ANGPT1: variants seen among roughly 807,000 people sequenced by gnomAD.
ANGPT1 encodes the protein angiopoietin-1.
In ANGPT1, 17 loss-of-function variants were observed where a neutral mutation model predicts 62.2. That is an observed-to-expected ratio of 0.27 (90% CI 0.19 to 0.41). The LOEUF is 0.41. ANGPT1 is among the 10% of genes least tolerant of loss of function. The pLI is 1.00. For missense variants in ANGPT1, 478 were observed against 594.9 expected, an observed-to-expected ratio of 0.80 and a Z score of 2.04; for synonymous variants, 199 against 198.9, an observed-to-expected ratio of 1.00 and a Z score of 0.00.
At chr8:107,358,232 T>C (rs1368852963) in intron 1 of ANGPT1, among the ~76,000 whole-genome samples, 4 of 152,182 alleles carry the variant, frequency 2.6e-5, no homozygotes, top group Non-Finnish European at 4.4e-5. Context: ...AACTAATTTT[T>C]TTCTGAATAA....
chr8:107,456,361 A>G (rs952282499), intron 1 of ANGPT1, among the ~76,000 whole-genome samples: 2 of 152,022 alleles, frequency 1.3e-5, no homozygotes, highest in East Asian at 3.9e-4. Context: ...TTCTGGGTTC[A>G]AGGCCTGAGT....
At chr8:107,452,595 G>C (rs974257088) in intron 1 of ANGPT1, among the ~76,000 whole-genome samples, 3 of 151,556 alleles carry the variant, frequency 2.0e-5, no homozygotes, top group East Asian at 1.9e-4. Context: ...AATATTAAAA[G>C]TTCCTCCCCA....
At chr8:107,392,355 G>A (rs1173196660) in intron 1 of ANGPT1, among the ~76,000 whole-genome samples, 1 of 152,070 alleles carries the variant, frequency 6.6e-6, no homozygotes, top group Non-Finnish European at 1.5e-5. Context: ...AAAAGCACTA[G>A]CTGTTACTTA....
At chr8:107,440,833 T>C (rs1246727021) in intron 1 of ANGPT1, among the ~76,000 whole-genome samples, 1 of 152,190 alleles carries the variant, frequency 6.6e-6, no homozygotes, top group Non-Finnish European at 1.5e-5. Context: ...TGAAGATATA[T>C]GATATTTCTG....
At chr8:107,298,383 T>C (rs1164398584) in intron 5 of ANGPT1, among the ~76,000 whole-genome samples, 6 of 151,858 alleles carry the variant, frequency 4.0e-5, no homozygotes, top group Non-Finnish European at 8.8e-5. Context: ...AAATGGTTTG[T>C]TTTTTGGATG....
chr8:107,281,500 C>T (rs1451435185), intron 7 of ANGPT1, among the ~76,000 whole-genome samples: 2 of 152,048 alleles, frequency 1.3e-5, no homozygotes, highest in Non-Finnish European at 1.5e-5. Flanking sequence ...GTGTCTAGGC[C>T]CAGAGCAGTG....
chr8:107,299,087 C>T (rs1814489959), intron 5 of ANGPT1, among the ~76,000 whole-genome samples: 1 of 151,470 alleles, frequency 6.6e-6, no homozygotes, highest in African/African-American at 2.4e-5. Context: ...ATCAACTTAC[C>T]TAATTTTCTA....
At chr8:107,476,791 G>A (rs1812543560) in intron 1 of ANGPT1, among the ~76,000 whole-genome samples, 2 of 152,270 alleles carry the variant, frequency 1.3e-5, no homozygotes, top group Admixed American at 1.3e-4. Flanking sequence ...CCTGAGCAAA[G>A]CACTCTTGTG....
In ANGPT1 at chr8:107,301,631, A is replaced by C. The variant is rs981706927; in HGVS notation, c.936+1609T>G. Among the ~76,000 whole-genome samples, 3 of 151,896 alleles carry C rather than the reference A, an allele frequency of 2.0e-5. No individual in the cohort carries two copies. The Admixed American group carries it at 2.0e-4, about 10-fold the overall frequency. ...CTTGCACAGAAATCAAACATGAAAA[A>C]CAGCAAAACCACACTTCTCTGGTAG... On this transcript the variant is annotated intron_variant, in intron 5 of 8. Transcript: ENST00000517746.
intron 6 of ANGPT1, among the ~76,000 whole-genome samples, chr8:107,291,428 T>C (rs1814269723): frequency 6.6e-6 from 1 of 151,996 alleles, no homozygotes; most frequent in South Asian, 2.1e-4. Flanking sequence ...TTTGTTTTGT[T>C]TTTAGACAGA....
intron 4 of ANGPT1, among the ~76,000 whole-genome samples, chr8:107,304,177 A>C (rs1311201275): frequency 1.3e-5 from 2 of 148,396 alleles, no homozygotes; most frequent in Non-Finnish European, 3.0e-5. Flanking sequence ...AAATCTATTA[A>C]TAGTTAGAGA....
At chr8:107,321,277 C>G (rs1203221259) in intron 4 of ANGPT1, among the ~76,000 whole-genome samples, 1 of 152,062 alleles carries the variant, frequency 6.6e-6, no homozygotes, top group Non-Finnish European at 1.5e-5. Context: ...AAATTTGTAT[C>G]TCCACTGTCA....
At chr8:107,491,474 G>T (rs13272688) in intron 1 of ANGPT1, among the ~76,000 whole-genome samples, 138 of 152,266 alleles carry the variant, frequency 9.1e-4, no homozygotes, top group African/African-American at 3.2e-3. Flanking sequence ...TCTTAGTAAA[G>T]TGGGGAAGGT....
At chr8:107,386,521 G>A (rs1015234061) in intron 1 of ANGPT1, among the ~76,000 whole-genome samples, 3 of 152,036 alleles carry the variant, frequency 2.0e-5, no homozygotes, top group South Asian at 2.1e-4. Flanking sequence ...TCCAATAGGT[G>A]GTGTTTCAAT....
intron 4 of ANGPT1, among the ~76,000 whole-genome samples, chr8:107,306,556 T>C (rs181834797): frequency 1.3e-5 from 2 of 152,232 alleles, no homozygotes; most frequent in Admixed American, 6.6e-5. Flanking sequence ...TGAAGTCCAA[T>C]GTCATGCATA....
At chr8:107,453,202 T>C (rs1353143787) in intron 1 of ANGPT1, among the ~76,000 whole-genome samples, 1 of 152,116 alleles carries the variant, frequency 6.6e-6, no homozygotes, top group African/African-American at 2.4e-5. Flanking sequence ...ATTATTATTT[T>C]TATTCCAGAA....
intron 1 of ANGPT1, among the ~76,000 whole-genome samples, chr8:107,351,664 A>T (rs1386078313): frequency 1.3e-5 from 2 of 151,998 alleles, no homozygotes; most frequent in Non-Finnish European, 2.9e-5. Context: ...TATAGTGGAG[A>T]CCAAGTTAAT....
intron 1 of ANGPT1, among the ~76,000 whole-genome samples, chr8:107,400,509 G>A (rs575480562): frequency 4.1e-4 from 63 of 151,870 alleles, no homozygotes; most frequent in African/African-American, 1.5e-3. Flanking sequence ...TCCAATCACT[G>A]CTTCCTCAGC....
chr8:107,319,552 C>T (rs1454341519), intron 4 of ANGPT1, among the ~76,000 whole-genome samples: 3 of 150,680 alleles, frequency 2.0e-5, no homozygotes. Context: ...ACATATAATC[C>T]TTCAATAAAT....
Sources: allele counts gnomAD v4.1 joint callset (sites outside exome capture counted in the v4.1 genomes callset), GRCh38; gene constraint gnomAD v4.1.1; transcripts MANE v1.5; gene names NCBI Gene and HGNC (gene_info 2026-07-23, HGNC 2026-07-21).